ADCY1: variants seen among roughly 807,000 people sequenced by gnomAD.
ADCY1 encodes the protein adenylate cyclase 1.
ADCY1 carries 28 observed loss-of-function variants against 105.4 expected under a neutral mutation model. The ratio of observed to expected loss-of-function variants is 0.27; its 90% confidence interval spans 0.20 to 0.36. ADCY1 has a LOEUF of 0.36. Among genes scored for constraint, ADCY1 ranks in the 10% least tolerant of loss-of-function variants. The pLI is 1.00. For missense variants in ADCY1, 977 were observed against 1,434.2 expected, an observed-to-expected ratio of 0.68 and a Z score of 5.15; for synonymous variants, 655 against 623.8, an observed-to-expected ratio of 1.05 and a Z score of -0.75.
chr7:45,619,987 T>C (rs112081902), intron 3 of ADCY1, among the ~76,000 whole-genome samples: 3 of 152,322 alleles, frequency 2.0e-5, no homozygotes, highest in African/African-American at 7.2e-5. Context: ...GTAAACACAA[T>C]TTTTATGTCA....
intron 2 of ADCY1, among the ~76,000 whole-genome samples, chr7:45,594,453 A>G (rs1793017511): frequency 6.6e-6 from 1 of 152,194 alleles, no homozygotes; most frequent in African/African-American, 2.4e-5. Flanking sequence ...CATCCTCTGT[A>G]GTGGAGAAGG....
At chr7:45,634,649 A>C (rs1157634074) in intron 4 of ADCY1, among the ~76,000 whole-genome samples, 1 of 152,146 alleles carries the variant, frequency 6.6e-6, no homozygotes, top group Non-Finnish European at 1.5e-5. Context: ...TTTTGACTTT[A>C]AGATGATGGG....
chr7:45,682,472 C>CTG (rs1784578427), intron 11 of ADCY1, among the ~76,000 whole-genome samples: 1 of 152,022 alleles, frequency 6.6e-6, no homozygotes, highest in Non-Finnish European at 1.5e-5. Context: ...CCCCGGGGTG[C>CTG]TGCAGGTGGG....
chr7:45,618,608 T>C (rs1290444741), intron 3 of ADCY1, among the ~76,000 whole-genome samples: 1 of 152,122 alleles, frequency 6.6e-6, no homozygotes, highest in Non-Finnish European at 1.5e-5. Flanking sequence ...AACAAGTATA[T>C]GATAAAATGG....
rs182117244 is a variant in ADCY1 at position 45,630,747 on chromosome 7, T to C, written c.1020+8004T>C. The stretch of plus-strand genomic sequence containing the variant: ...TACAGGTCATTGTATTCAGGGCTTA[T>C]CTGGATAATCCAAGATGGTTTCCCT... On this transcript the variant is annotated intron_variant, in intron 4 of 19. Transcript: ENST00000297323. Among the ~76,000 whole-genome samples the C allele has an allele frequency of 3.3e-5, 5 of 152,342 alleles. No homozygotes were observed. The East Asian group carries it at 9.6e-4, about 29-fold the overall frequency.
intron 3 of ADCY1, among the ~76,000 whole-genome samples, chr7:45,614,920 CAAT>C (rs543192626): frequency 3.9e-5 from 6 of 152,122 alleles, no homozygotes; most frequent in Non-Finnish European, 8.8e-5. Flanking sequence ...GACCACAAAA[CAAT>C]AATAATAGGC....
intron 4 of ADCY1, among the ~76,000 whole-genome samples, chr7:45,637,536 ACATAATGAGACCC>A (rs1163322367): frequency 1.3e-5 from 2 of 152,128 alleles, no homozygotes; most frequent in Non-Finnish European, 2.9e-5. Context: ...AGACTGGACA[ACATAATGAGACCC>A]CATTTCTACT....
At chr7:45,707,157 A>C (rs999651281) in intron 17 of ADCY1, among the ~76,000 whole-genome samples, 1 of 152,250 alleles carries the variant, frequency 6.6e-6, no homozygotes, top group Admixed American at 6.5e-5. Flanking sequence ...GGTTTCTCAC[A>C]AAGTTAGACA....
Position 45,686,795 on chromosome 7 carries a change from C to A in ADCY1, c.2454+122C>A. 7.3e-7 allele frequency: 1 copy of A among 1,373,972 alleles called. No homozygotes were observed. The highest frequency in any genetic ancestry group is 9.6e-7 in the Non-Finnish European group (1 of 1,036,756). 85.1% of individuals were successfully genotyped at this position (1,373,972 alleles called of 1,614,324 possible). A position where few individuals can be genotyped will look rare whatever the true frequency, so the allele number is the denominator to read the frequency against. On this transcript the variant is annotated intron_variant, in intron 14 of 19. Transcript: ENST00000297323. The surrounding 1 kb of genome is among the most constrained non-coding windows in gnomAD (Gnocchi z 4.3). ...CGCCGTATGGCCCTCGGAGGGCCCT[C>A]CTCAGCAGCATGCAAGCCAGGCACT...
At position 45,722,048 on chromosome 7, in the gene ADCY1, A is replaced by C. The variant is rs983374965; in HGVS notation, c.*8053A>C. On this transcript the variant is annotated 3_prime_UTR_variant, in exon 20 of 20. Coordinates refer to ENST00000297323, the MANE Select transcript of ADCY1 (RefSeq NM_021116.4). ...GTGAGGGCAGTGGGAAGCTGGCCCG[A>C]CGGCAGCCAGAACTTGTTTCTCACC... 1.3e-5 allele frequency: 5 copies of C among 382,772 alleles called. No individual in the cohort carries two copies. The highest frequency in any genetic ancestry group is 1.0e-4 in the African/African-American group (5 of 48,286). 23.7% of individuals were successfully genotyped at this position (382,772 alleles called of 1,614,324 possible). A position where few individuals can be genotyped will look rare whatever the true frequency, so the allele number is the denominator to read the frequency against.
chr7:45,635,601 G>GTTT lies in ADCY1; in HGVS notation c.1020+12884_1020+12886dup, dbSNP rs71030884. Reference sequence around the variant, plus strand: ...TTCAAAATACTTTCTAATTTCTCTTGTTTTTTTTTTTTTTTTTTTTTTTTT... The same window carrying GTTT: ...TTCAAAATACTTTCTAATTTCTCTTGTTTTTTTTTTTTTTTTTTTTTTTTTTTT... On this transcript the variant is annotated intron_variant, in intron 4 of 19. Coordinates refer to ENST00000297323, the MANE Select transcript of ADCY1 (RefSeq NM_021116.4). 3.7e-3 allele frequency among the ~76,000 whole-genome samples: 209 copies of GTTT among 57,196 alleles called. 31 individuals are homozygous for GTTT. Among genetic ancestry groups the GTTT allele is most frequent in the African/African-American group, 7.7e-3 (110 of 14,370 alleles). The allele number at this position is 57,196 out of a possible 152,430, so 37.5% of individuals were successfully genotyped here.
chr7:45,648,189 C>G (rs987924132), intron 4 of ADCY1, among the ~76,000 whole-genome samples: 8 of 152,224 alleles, frequency 5.3e-5, no homozygotes, highest in Non-Finnish European at 1.0e-4. Flanking sequence ...TCAGAAGCCC[C>G]AGGGACACCC....
intron 2 of ADCY1, among the ~76,000 whole-genome samples, chr7:45,599,533 A>G (rs1211135161): frequency 2.6e-5 from 4 of 151,208 alleles, no homozygotes; most frequent in African/African-American, 4.9e-5. Context: ...GCTGAGGAAG[A>G]TGCCGGAGCT....
intron 5 of ADCY1, among the ~76,000 whole-genome samples, chr7:45,649,763 A>G (rs2116064252): frequency 6.6e-6 from 1 of 152,338 alleles, no homozygotes; most frequent in East Asian, 1.9e-4. Flanking sequence ...TGTCGGACAC[A>G]TGAGCAAAGC....
chr7:45,626,161 T>A (rs1484893908), intron 4 of ADCY1, among the ~76,000 whole-genome samples: 1 of 152,222 alleles, frequency 6.6e-6, no homozygotes, highest in Non-Finnish European at 1.5e-5. Flanking sequence ...GCAACTCAAC[T>A]CTGCTCTTGG....
chr7:45,706,173 A>G lies in ADCY1; in HGVS notation c.2817+1557A>G, dbSNP rs188222888. On this transcript the variant is annotated intron_variant, in intron 17 of 19. Transcript: ENST00000297323. ...AGTCCAATCGGAACTCCACCACCAT[A>G]TTCTGTGTCGTTGACAAAATGATCC... Among the ~76,000 whole-genome samples, 84 of 152,314 alleles carry G rather than the reference A, an allele frequency of 5.5e-4. 1 individual carries two copies. The highest frequency in any genetic ancestry group is 2.0e-3 in the African/African-American group (83 of 41,560).
chr7:45,658,891 C>A (rs1457280685), intron 6 of ADCY1, among the ~76,000 whole-genome samples: 1 of 152,198 alleles, frequency 6.6e-6, no homozygotes, highest in Admixed American at 6.5e-5. Flanking sequence ...GCCCTGCCTG[C>A]CCCAGGCCAA....
chr7:45,577,510 C>T (rs369207439), intron 1 of ADCY1, among the ~76,000 whole-genome samples: 3 of 152,218 alleles, frequency 2.0e-5, no homozygotes, highest in African/African-American at 7.2e-5. Flanking sequence ...CGCATTTACA[C>T]AGCATTGATG....
chr7:45,679,653 G>T, intron 10 of ADCY1, 56 bp from the exon 11 acceptor site: 1 of 1,579,062 alleles, frequency 6.3e-7, no homozygotes, highest in East Asian at 2.2e-5. Flanking sequence ...CCATCTCTTG[G>T]GTCCGCCTCT....
Sources: allele counts gnomAD v4.1 joint callset (sites outside exome capture counted in the v4.1 genomes callset), GRCh38; gene constraint gnomAD v4.1.1; non-coding constraint Gnocchi (gnomAD v3.1); transcripts MANE v1.5; gene names NCBI Gene and HGNC (gene_info 2026-07-23, HGNC 2026-07-21).